Variants in ITGA11 observed in about 807,000 individuals in gnomAD.
ITGA11 encodes integrin alpha-11.
Under a neutral mutation model 141.9 loss-of-function variants are expected in ITGA11, and 97 were observed. That is an observed-to-expected ratio of 0.68 (90% CI 0.58 to 0.81). The LOEUF (loss-of-function observed/expected upper bound fraction) is 0.81. Ranked by LOEUF, ITGA11 falls within the 30% of genes least tolerant of loss-of-function variation. The pLI is 0.00. For missense variants in ITGA11, 1,387 were observed against 1,559.2 expected (o/e 0.89, Z 1.86); for synonymous variants, 658 against 624.6 (o/e 1.05, Z -0.80).
chr15:68,339,354 G>C, intron 11 of ITGA11, 146 bp downstream of exon 11: 1 of 867,140 alleles, frequency 1.2e-6, no homozygotes, highest in Non-Finnish European at 1.8e-6. Context: ...AAATGCCCCC[G>C]GGGATGCTCT....
At chr15:68,400,644 ATATAT>A (rs1896454781) in intron 2 of ITGA11, among the ~76,000 whole-genome samples, 1 of 64,804 alleles carries the variant, frequency 1.5e-5, no homozygotes, top group Admixed American at 2.4e-4. Flanking sequence ...TTATAATATT[ATATAT>A]TATATAATAA....
intron 1 of ITGA11, among the ~76,000 whole-genome samples, chr15:68,417,517 C>T (rs1427757741): frequency 6.6e-6 from 1 of 152,204 alleles, no homozygotes; most frequent in African/African-American, 2.4e-5. Flanking sequence ...CAGCTTCAAG[C>T]TATGCTCTTT....
intron 2 of ITGA11, among the ~76,000 whole-genome samples, chr15:68,393,230 T>C (rs977314194): frequency 1.5e-4 from 23 of 152,018 alleles, no homozygotes; most frequent in African/African-American, 4.8e-4. Flanking sequence ...AACAGAAATA[T>C]GAGAAATATG....
intron 1 of ITGA11, among the ~76,000 whole-genome samples, chr15:68,426,703 C>T (rs562153116): frequency 1.3e-5 from 2 of 152,224 alleles, no homozygotes; most frequent in East Asian, 3.9e-4. Flanking sequence ...TCTGTGCCCT[C>T]AAGTTCCATT....
chr15:68,356,303 C>T (rs539677663), intron 7 of ITGA11, among the ~76,000 whole-genome samples: 29 of 151,690 alleles, frequency 1.9e-4, no homozygotes, highest in Middle Eastern at 3.4e-3. Context: ...GGGGTTTCAC[C>T]GTGTTGCCCA....
At chr15:68,429,311 G>C (rs941641729) in intron 1 of ITGA11, among the ~76,000 whole-genome samples, 3 of 152,200 alleles carry the variant, frequency 2.0e-5, no homozygotes, top group Admixed American at 6.5e-5. Context: ...CCACCCTTAC[G>C]CTGTGTCTGA....
intron 2 of ITGA11, among the ~76,000 whole-genome samples, chr15:68,398,342 G>T (rs1896374233): frequency 6.6e-6 from 1 of 151,592 alleles, no homozygotes; most frequent in Non-Finnish European, 1.5e-5. Context: ...AAAAGGCAGG[G>T]GTTGCAATCC....
chr15:68,359,366 C>A (rs1267779487), intron 5 of ITGA11, among the ~76,000 whole-genome samples: 1 of 152,284 alleles, frequency 6.6e-6, no homozygotes, highest in East Asian at 1.9e-4. Flanking sequence ...CTAAATTAGG[C>A]TGGGAGTCAT....
intron 2 of ITGA11, among the ~76,000 whole-genome samples, chr15:68,388,651 G>T (rs1186580978): frequency 6.6e-6 from 1 of 152,124 alleles, no homozygotes; most frequent in Non-Finnish European, 1.5e-5. Context: ...ATGAATTACT[G>T]CTGCTCATAA....
At chr15:68,388,932 C>T (rs1367233168) in intron 2 of ITGA11, among the ~76,000 whole-genome samples, 2 of 152,164 alleles carry the variant, frequency 1.3e-5, no homozygotes, top group African/African-American at 4.8e-5. Flanking sequence ...ACTCTCCCAG[C>T]TTTTGGCCTT....
chr15:68,399,666 A>T (rs1170504688), intron 2 of ITGA11, among the ~76,000 whole-genome samples: 2 of 152,166 alleles, frequency 1.3e-5, no homozygotes, highest in Non-Finnish European at 2.9e-5. Flanking sequence ...AGCAACATGG[A>T]TGCCATTATT....
At chr15:68,346,784 C>T (rs963340793) in intron 10 of ITGA11, among the ~76,000 whole-genome samples, 11 of 152,164 alleles carry the variant, frequency 7.2e-5, no homozygotes, top group African/African-American at 2.7e-4. Context: ...CCCTGACCAC[C>T]CCTTCTTTTA....
At chr15:68,392,116 A>C (rs577888842) in intron 2 of ITGA11, among the ~76,000 whole-genome samples, 1 of 152,354 alleles carries the variant, frequency 6.6e-6, no homozygotes, top group Admixed American at 6.5e-5. Context: ...ATTCAATTTG[A>C]TAAGTGCTAT....
Position 68,303,946 on chromosome 15 carries a change from G to C in ITGA11, c.3382-61C>G. ...TCTTCTGGGGCTGGGGTGGCAGTCT[G>C]GGAGGGGCAGGAGGGTGGAGACAGC... On this transcript the variant is annotated intron_variant, in intron 28 of 29. Coordinates refer to ENST00000315757, the MANE Select transcript of ITGA11 (RefSeq NM_001004439.2). This position sits in a 1 kb window ranked among gnomAD's most constrained non-coding sequence, Gnocchi z 5.3. 9.2e-7 allele frequency: 1 copy of C among 1,091,590 alleles called. No homozygotes were observed. Among genetic ancestry groups the C allele is most frequent in the Non-Finnish European group, 1.4e-6 (1 of 715,880 alleles). 67.6% of individuals were successfully genotyped at this position (1,091,590 alleles called of 1,614,324 possible).
chr15:68,323,171 G>A (rs957803061), intron 18 of ITGA11, among the ~76,000 whole-genome samples: 5 of 152,160 alleles, frequency 3.3e-5, no homozygotes, highest in South Asian at 2.1e-4. Context: ...GCTCCCCACC[G>A]CAAGGTGGAC....
chr15:68,332,313 C>T, intron 13 of ITGA11, 25 bp downstream of exon 13: 1 of 1,589,496 alleles, frequency 6.3e-7, no homozygotes, highest in Non-Finnish European at 8.6e-7. Context: ...ACCTGAGAAG[C>T]TGCCCAGCCC....
In ITGA11 at chr15:68,335,714, C is replaced by A; in HGVS notation, c.1408G>T (p.Ala470Ser). ...TCCATTACCTGCTGGCCCCGCATAG[C>A]CTGGTGGATGGTGAGGCTCCGGTTG... ...HNNRSLTIHQ[A>S]MRGQQIGSYF... The change falls in exon 12 of 30, where the codon GCT becomes TCT. Residue 470 changes from alanine (A) to serine (S), a missense_variant. Physicochemically the swap from Ala to Ser is moderately conservative, Grantham distance 99 (BLOSUM62 1). Coordinates refer to ENST00000315757, the MANE Select transcript of ITGA11 (RefSeq NM_001004439.2). This position sits in a 1 kb window ranked among gnomAD's most constrained non-coding sequence, Gnocchi z 4.9. 2 of 1,613,802 alleles carry A rather than the reference C, an allele frequency of 1.2e-6. No individual in the cohort carries two copies. The highest frequency in any genetic ancestry group is 1.7e-6 in the Non-Finnish European group (2 of 1,179,810).
chr15:68,401,017 C>T (rs1289952701), intron 2 of ITGA11, among the ~76,000 whole-genome samples: 1 of 134,172 alleles, frequency 7.5e-6, no homozygotes, highest in Non-Finnish European at 1.5e-5. Flanking sequence ...AAGAAAAAGA[C>T]ACACAACACA....
intron 2 of ITGA11, among the ~76,000 whole-genome samples, chr15:68,399,534 A>G (rs1896413013): frequency 6.6e-6 from 1 of 152,180 alleles, no homozygotes; most frequent in Admixed American, 6.5e-5. Flanking sequence ...ACTATTCACA[A>G]TAGCAAAGAC....
Sources: gnomAD v4.1 joint callset for allele counts (sites outside exome capture counted in the v4.1 genomes callset) on GRCh38, gnomAD v4.1.1 for gene constraint, Gnocchi (gnomAD v3.1) non-coding constraint, MANE v1.5 for transcripts, NCBI Gene and HGNC (gene_info 2026-07-23, HGNC 2026-07-21) for gene names.